The following PATE1 variants were observed in gnomAD, a reference collection of about 807,000 sequenced individuals.
The protein encoded by PATE1 is prostate and testis expressed protein 1.
A neutral mutation model predicts 13.1 loss-of-function variants in PATE1; 21 were observed. That is an observed-to-expected ratio of 1.61 (90% confidence interval 1.14 to 2.31). PATE1 has a LOEUF of 2.31. Among genes scored for constraint, PATE1 ranks in the 30% most tolerant of loss-of-function variants. PATE1 has a pLI of 0.00. For synonymous variants in PATE1, 52 were observed against 47.1 expected (o/e 1.10, Z -0.43); for missense variants, 166 against 147.2 (o/e 1.13, Z -0.66).
At chr11:125,747,559 CCA>C in intron 3 of PATE1, 139 bp from the exon 4 acceptor site, 1 of 1,437,248 alleles carries the variant, frequency 7.0e-7, no homozygotes, top group South Asian at 1.2e-5. Context: ...TAGTGTATTT[CCA>C]CAGAGGAAGA....
chr11:125,747,957 C>T (rs1464540448), intron 4 of PATE1, 135 bp downstream of exon 4: 1 of 1,314,094 alleles, frequency 7.6e-7, no homozygotes, highest in South Asian at 1.4e-5. Flanking sequence ...ATTCCTTCAT[C>T]CCCATCATAT....
At chr11:125,746,511 C>T in intron 1 of PATE1, 150 bp from the exon 2 acceptor site, 3 of 1,284,514 alleles carry the variant, frequency 2.3e-6, no homozygotes, top group Non-Finnish European at 2.2e-6. Flanking sequence ...TATGTCATGT[C>T]CCCAGGACCT....
chr11:125,746,476 C>A, intron 1 of PATE1, 120 bp downstream of exon 1: 2 of 1,335,170 alleles, frequency 1.5e-6, no homozygotes, highest in Non-Finnish European at 2.1e-6. Flanking sequence ...AGCTTCTGTT[C>A]TAATGTTATG....
rs1232809969 is a variant in PATE1 at position 125,748,741 on chromosome 11, T to A, written c.*8T>A. On this transcript the variant is annotated 3_prime_UTR_variant, in exon 5 of 5. Transcript: ENST00000305738. The stretch of plus-strand genomic sequence containing the variant: ...TGCAATGAAGACCTTTAGAAGTTAA[T>A]GGTTCTTCTGTGACTCCAATTTCTG... The A allele has an allele frequency of 6.2e-7, 1 of 1,609,446 alleles. No homozygotes were observed. Among genetic ancestry groups the A allele is most frequent in the Admixed American group, 1.7e-5 (1 of 58,956 alleles).
Position 125,747,810 on chromosome 11 carries a change from A to G in PATE1, c.235A>G (p.Arg79Gly), listed in dbSNP as rs1943287064. ...AACAGAAGAGGCCTGCATGGTTGGA[A>G]GGATGTTCAAAAGTAAGTTGTGGGT... ...ATTEEACMVG[R>G]MFKRDGNPWL... is the part of the protein sequence containing the mutation. The change falls in exon 4 of 5, where the codon AGG (arginine) becomes GGG (glycine). Residue 79 changes from arginine (R) to glycine (G), a missense_variant. Coordinates refer to ENST00000305738, the MANE Select transcript of PATE1 (RefSeq NM_138294.3). 6.2e-7 allele frequency: 1 copy of G among 1,613,816 alleles called. No homozygotes were observed. Among genetic ancestry groups the G allele is most frequent in the East Asian group, 2.2e-5 (1 of 44,878 alleles).
In PATE1 at chr11:125,749,011, A is replaced by G; in HGVS notation, c.*278A>G. 1 of 299,270 alleles carries G rather than the reference A, an allele frequency of 3.3e-6. No homozygotes were observed. The highest frequency in any genetic ancestry group is 6.1e-6 in the Non-Finnish European group (1 of 164,428). The allele number at this position is 299,270 out of a possible 1,614,324, so 18.5% of individuals were successfully genotyped here. ...ACAAACCCTTGTGCTTTCACTGTAT[A>G]GCCAGTTCATTCAGAAAAGGAGGAA... On this transcript the variant is annotated 3_prime_UTR_variant, in exon 5 of 5. Coordinates refer to ENST00000305738, the MANE Select transcript of PATE1 (RefSeq NM_138294.3).
At position 125,746,658 on chromosome 11, in the gene PATE1, C is replaced by T. The variant is rs369356782; in HGVS notation, c.53-3C>T. The T allele has an allele frequency of 6.2e-6, 10 of 1,612,244 alleles. No homozygotes were observed. The highest frequency in any genetic ancestry group is 6.8e-6 in the Non-Finnish European group (8 of 1,179,408). The stretch of plus-strand genomic sequence containing the variant: ...ACAGTGTATCTCTTTTTTTTTCCAA[C>T]AGCATTATCTGGATCACTTTCAATG... On this transcript the variant is annotated splice_region_variant and splice_polypyrimidine_tract_variant and intron_variant, in intron 1 of 4. Coordinates refer to ENST00000305738, the MANE Select transcript of PATE1 (RefSeq NM_138294.3).
At chr11:125,747,579 G>T (rs949937041) in intron 3 of PATE1, 121 bp from the exon 4 acceptor site, 86 of 1,480,918 alleles carry the variant, frequency 5.8e-5, no homozygotes, top group Non-Finnish European at 7.1e-5. Context: ...AGAGGTTCAC[G>T]CTTGATGGGC....
Position 125,747,421 on chromosome 11 carries a change from A to G in PATE1, c.124+10A>G. On this transcript the variant is annotated intron_variant, in intron 3 of 4. Transcript: ENST00000305738. ...AAAAACAATTTTCCTGGTAAGTATG[A>G]AGAGGACCTGTCTGATCACCTCAGT... 3 of 1,610,360 alleles carry G rather than the reference A, an allele frequency of 1.9e-6. No individual in the cohort carries two copies. Among genetic ancestry groups the G allele is most frequent in the Non-Finnish European group, 2.5e-6 (3 of 1,177,194 alleles).
rs766872077 is a variant in PATE1 at position 125,746,358 on chromosome 11, T to G, written c.52+2T>G. 6.2e-7 allele frequency: 1 copy of G among 1,613,558 alleles called. No homozygotes were observed. Among genetic ancestry groups the G allele is most frequent in the Non-Finnish European group, 8.5e-7 (1 of 1,179,600 alleles). ...CCATCCTGCTCTGCTGCTTTAGGGG[T>G]GAGTCCCTAGGGTTGACAGCTGGTA... On this transcript the variant is annotated splice_donor_variant, in intron 1 of 4. Transcript: ENST00000305738. LOFTEE classifies it high-confidence loss of function.
In PATE1 at chr11:125,749,229, A is replaced by G. The variant is rs530896125; in HGVS notation, c.*496A>G. Reference sequence around the variant, plus strand: ...TAGCAACATAAAAAGAAGTGGCTCAAGTCTTCTTGGAGTTTGTTCATGAAT... The same window carrying G: ...TAGCAACATAAAAAGAAGTGGCTCAGGTCTTCTTGGAGTTTGTTCATGAAT... On this transcript the variant is annotated 3_prime_UTR_variant, in exon 5 of 5. Transcript: ENST00000305738. 1 of 152,458 alleles carries G rather than the reference A, an allele frequency of 6.6e-6. No individual in the cohort carries two copies. Among genetic ancestry groups the G allele is most frequent in the East Asian group, 1.9e-4 (1 of 5,184 alleles). The allele number at this position is 152,458 out of a possible 1,614,324, so 9.4% of individuals were successfully genotyped here. A position where few individuals can be genotyped will look rare whatever the true frequency, so the allele number is the denominator to read the frequency against.
In PATE1 at chr11:125,747,776, CA is replaced by C; in HGVS notation, c.202del (p.Thr68GlnfsTer22). The C allele has an allele frequency of 6.2e-7, 1 of 1,613,914 alleles. No homozygotes were observed. The highest frequency in any genetic ancestry group is 8.5e-7 in the Non-Finnish European group (1 of 1,179,854). On this transcript the variant is annotated frameshift_variant, in exon 4 of 5. Coordinates refer to ENST00000305738, the MANE Select transcript of PATE1 (RefSeq NM_138294.3). LOFTEE classifies it low-confidence loss of function (END_TRUNC). ...AGTGCTCCAGAGGAAGAGGAATATG[CA>C]CAGCAACAACAGAAGAGGCCTGCAT... ...EKCSRGRGICTATTEEACMVG... is the reference protein window; with the variant it reads ...EKCSRGRGICXATTEEACMVG...
rs1565414376 is a variant in PATE1 at position 125,748,524 on chromosome 11, G to A, written c.248-76G>A. 11 of 1,498,320 alleles carry A rather than the reference G, an allele frequency of 7.3e-6. No individual in the cohort carries two copies. The East Asian group carries it at 9.1e-5, about 12-fold the overall frequency. 92.8% of individuals were successfully genotyped at this position (1,498,320 alleles called of 1,614,324 possible). On this transcript the variant is annotated intron_variant, in intron 4 of 4. Coordinates refer to ENST00000305738, the MANE Select transcript of PATE1 (RefSeq NM_138294.3). ...TACACAAGATTATTTCTATATGTTG[G>A]TGTGGTCTGGAGAAAAGTTTTTTAG...
Position 125,748,581 on chromosome 11 carries a change from T to C in PATE1, c.248-19T>C. 5.6e-6 allele frequency: 9 copies of C among 1,608,322 alleles called. No homozygotes were observed. Among genetic ancestry groups the C allele is most frequent in the Non-Finnish European group, 7.6e-6 (9 of 1,178,326 alleles). ...TTTCATGGCCAGGCTTCCTGATCTGTTTTTTCTCCCCTCCACAGGGGATGG... is the reference window on the plus strand; with the variant it reads ...TTTCATGGCCAGGCTTCCTGATCTGCTTTTTCTCCCCTCCACAGGGGATGG... On this transcript the variant is annotated intron_variant, in intron 4 of 4. Coordinates refer to ENST00000305738, the MANE Select transcript of PATE1 (RefSeq NM_138294.3).
At chr11:125,747,545 G>T (rs1045514583) in intron 3 of PATE1, 134 bp downstream of exon 3, 6 of 1,411,862 alleles carry the variant, frequency 4.2e-6, no homozygotes, top group Non-Finnish European at 5.9e-6. Context: ...TCACTCTCTT[G>T]GCTTAGTGTA....
Position 125,749,802 on chromosome 11 carries a change from T to C in PATE1, c.*1069T>C, listed in dbSNP as rs959825809. The C allele has an allele frequency of 6.6e-6, 1 of 151,704 alleles. No homozygotes were observed. The highest frequency in any genetic ancestry group is 2.4e-5 in the African/African-American group (1 of 41,352). 9.4% of individuals were successfully genotyped at this position (151,704 alleles called of 1,614,324 possible). A position where few individuals can be genotyped will look rare whatever the true frequency, so the allele number is the denominator to read the frequency against. On this transcript the variant is annotated 3_prime_UTR_variant, in exon 5 of 5. Coordinates refer to ENST00000305738, the MANE Select transcript of PATE1 (RefSeq NM_138294.3). Reference sequence around the variant, plus strand: ...AATGAAGCCTGGAAAGAGTGATGAATTATATTATATTATATAAAAATAATA... The same window carrying C: ...AATGAAGCCTGGAAAGAGTGATGAACTATATTATATTATATAAAAATAATA...
chr11:125,748,825 C>T lies in PATE1; in HGVS notation c.*92C>T. On this transcript the variant is annotated 3_prime_UTR_variant, in exon 5 of 5. Transcript: ENST00000305738. The stretch of plus-strand genomic sequence containing the variant: ...CTTTCTAAAAAAAATCACACACACA[C>T]ACACACACACTACAGAAGAGGATTG... 1.4e-6 allele frequency: 2 copies of T among 1,433,060 alleles called. No homozygotes were observed. Among genetic ancestry groups the T allele is most frequent in the Non-Finnish European group, 1.9e-6 (2 of 1,049,990 alleles). 88.8% of individuals were successfully genotyped at this position (1,433,060 alleles called of 1,614,324 possible).
At position 125,746,715 on chromosome 11, in the gene PATE1, G is replaced by A. The variant is rs756296634; in HGVS notation, c.88+19G>A. ...GATGCAGGTGAGTAGGAATAGATAAGTGGTATGAGAAGGGGAAGGTCTGAG... is the reference window on the plus strand; with the variant it reads ...GATGCAGGTGAGTAGGAATAGATAAATGGTATGAGAAGGGGAAGGTCTGAG... On this transcript the variant is annotated intron_variant, in intron 2 of 4. Transcript: ENST00000305738. The A allele has an allele frequency of 3.7e-6, 6 of 1,613,122 alleles. No homozygotes were observed. Among genetic ancestry groups the A allele is most frequent in the Non-Finnish European group, 5.1e-6 (6 of 1,179,348 alleles).
In PATE1 at chr11:125,748,836, T is replaced by A. The variant is rs7939499; in HGVS notation, c.*103T>A. 2.6e-5 allele frequency: 16 copies of A among 627,186 alleles called. No homozygotes were observed. In the African/African-American group the frequency reaches 6.1e-4, roughly 24 times the overall value. The allele number at this position is 627,186 out of a possible 1,614,324, so 38.9% of individuals were successfully genotyped here. A position where few individuals can be genotyped will look rare whatever the true frequency, so the allele number is the denominator to read the frequency against. ...AAATCACACACACACACACACACAC[T>A]ACAGAAGAGGATTGCAAACACATGG... On this transcript the variant is annotated 3_prime_UTR_variant, in exon 5 of 5. Transcript: ENST00000305738.
Sources: allele counts gnomAD v4.1 joint callset, GRCh38; gene constraint gnomAD v4.1.1; transcripts MANE v1.5; gene names NCBI Gene and HGNC (gene_info 2026-07-23, HGNC 2026-07-21).